CSMD1: variants seen among roughly 807,000 people sequenced by gnomAD.
The protein encoded by CSMD1 is CUB and sushi domain-containing protein 1.
A neutral mutation model predicts 417.5 loss-of-function variants in CSMD1; 213 were observed. The ratio of observed to expected loss-of-function variants is 0.51; its 90% CI spans 0.46 to 0.57. The LOEUF is 0.57. Ranked by LOEUF, CSMD1 falls within the 20% of genes least tolerant of loss-of-function variation. The pLI, the probability that CSMD1 is intolerant of heterozygous loss-of-function variation, is 0.00. For synonymous variants in CSMD1, 2,862 were observed against 1,736.8 expected, an observed-to-expected ratio of 1.65 and a Z score of -16.11; for missense variants, 6,923 against 4,529.7, an observed-to-expected ratio of 1.53 and a Z score of -15.17.
At chr8:3,134,832 T>A (rs1032043797) in intron 41 of CSMD1, among the ~76,000 whole-genome samples, 1 of 152,208 alleles carries the variant, frequency 6.6e-6, no homozygotes, top group Non-Finnish European at 1.5e-5. Flanking sequence ...ATTTTTCTTA[T>A]CTGTGAAATG....
intron 2 of CSMD1, among the ~76,000 whole-genome samples, chr8:4,579,398 C>G (rs1391454681): frequency 6.6e-6 from 1 of 151,774 alleles, no homozygotes; most frequent in African/African-American, 2.4e-5. Context: ...TGCTCTCATC[C>G]TCCAGGCTGG....
intron 3 of CSMD1, among the ~76,000 whole-genome samples, chr8:4,061,816 T>C (rs1426779748): frequency 2.0e-5 from 3 of 152,354 alleles, no homozygotes; most frequent in South Asian, 2.1e-4. Flanking sequence ...TTTTAAATGA[T>C]GCTTCACTTT....
chr8:3,277,307 C>T (rs1225281227), intron 26 of CSMD1, among the ~76,000 whole-genome samples: 1 of 152,078 alleles, frequency 6.6e-6, no homozygotes, highest in Non-Finnish European at 1.5e-5. Context: ...TGAGGCGTTG[C>T]CCACGTTGCT....
At chr8:4,752,887 A>G (rs1811423813) in intron 1 of CSMD1, among the ~76,000 whole-genome samples, 1 of 152,158 alleles carries the variant, frequency 6.6e-6, no homozygotes, top group Admixed American at 6.5e-5. Flanking sequence ...TCTCCCAAAG[A>G]TCCTGCACCA....
intron 12 of CSMD1, among the ~76,000 whole-genome samples, chr8:3,448,009 C>T (rs66515295): frequency 0.1 from 15,762 of 152,038 alleles, 974 homozygotes; most frequent in East Asian, 0.26. Context: ...CCTGATACCA[C>T]TGGGACCTCC....
At chr8:3,896,290 G>C (rs963370597) in intron 5 of CSMD1, among the ~76,000 whole-genome samples, 1 of 152,042 alleles carries the variant, frequency 6.6e-6, no homozygotes, top group South Asian at 2.1e-4. Flanking sequence ...GAGTGACATC[G>C]CCTTGGGAAA....
chr8:3,786,205 T>C (rs1021991700), intron 5 of CSMD1, among the ~76,000 whole-genome samples: 1 of 152,090 alleles, frequency 6.6e-6, no homozygotes, highest in African/African-American at 2.4e-5. Flanking sequence ...CCTGTTATTT[T>C]GGGCACGTTG....
At chr8:3,283,760 T>A (rs535076431) in intron 26 of CSMD1, among the ~76,000 whole-genome samples, 1 of 152,312 alleles carries the variant, frequency 6.6e-6, no homozygotes, top group Non-Finnish European at 1.5e-5. Flanking sequence ...AAAGGAGACT[T>A]AAGTTCCTCC....
chr8:4,651,462 T>C (rs1803891764), intron 1 of CSMD1, among the ~76,000 whole-genome samples: 1 of 152,172 alleles, frequency 6.6e-6, no homozygotes, highest in African/African-American at 2.4e-5. Context: ...TATAGTCATA[T>C]ACTGGTGGGG....
chr8:3,930,567 G>A (rs889172879), intron 5 of CSMD1, among the ~76,000 whole-genome samples: 4 of 150,268 alleles, frequency 2.7e-5, no homozygotes, highest in South Asian at 2.1e-4. Context: ...GACAAATACA[G>A]AATCTGAGGT....
chr8:4,073,417 T>C (rs1799659684), intron 3 of CSMD1, among the ~76,000 whole-genome samples: 1 of 151,798 alleles, frequency 6.6e-6, no homozygotes, highest in South Asian at 2.1e-4. Context: ...CTGAGGGAAA[T>C]TTTGGGAGCT....
At chr8:4,855,153 C>G (rs190093387) in intron 1 of CSMD1, among the ~76,000 whole-genome samples, 7 of 151,154 alleles carry the variant, frequency 4.6e-5, no homozygotes, top group Non-Finnish European at 7.4e-5. Flanking sequence ...AGCAGGGGCA[C>G]ACTGACACCT....
intron 5 of CSMD1, among the ~76,000 whole-genome samples, chr8:3,972,251 A>G (rs748262650): frequency 6.6e-6 from 1 of 152,198 alleles, no homozygotes; most frequent in South Asian, 2.1e-4. Context: ...ATTAAATAGT[A>G]TTGACCTTGT....
In CSMD1 at chr8:3,998,096, C is replaced by T. The variant is rs778108696; in HGVS notation, c.625G>A (p.Gly209Arg). 5 of 1,571,728 alleles carry T rather than the reference C, an allele frequency of 3.2e-6. No individual in the cohort carries two copies. The highest frequency in any genetic ancestry group is 1.9e-5 in the Admixed American group (1 of 53,686). ...APFCRAEGAC[G>R]GTLRGTSSSI... is the part of the protein sequence containing the mutation. ...CTGCTGGTCCCGCGTAAGGTTCCTC[C>T]GCAGGCTCCCTCAGCTGCAGGGGCA... is the stretch of plus-strand genomic sequence containing the variant. The change falls in exon 5 of 70, where the codon GGA (glycine) becomes AGA (arginine). Residue 209 changes from glycine (G) to arginine (R), a missense_variant. Transcript: ENST00000635120.
chr8:4,989,265 G>T (rs768758653), intron 1 of CSMD1, among the ~76,000 whole-genome samples: 1 of 151,826 alleles, frequency 6.6e-6, no homozygotes, highest in Non-Finnish European at 1.5e-5. Flanking sequence ...TCCATGCCAG[G>T]TCTACAGTAA....
chr8:4,687,018 G>T (rs1431695418), intron 1 of CSMD1, among the ~76,000 whole-genome samples: 1 of 152,316 alleles, frequency 6.6e-6, no homozygotes, highest in East Asian at 1.9e-4. Context: ...CATGGCACCA[G>T]CCAGCGAACT....
At chr8:4,129,541 T>C (rs1207634009) in intron 3 of CSMD1, among the ~76,000 whole-genome samples, 2 of 151,808 alleles carry the variant, frequency 1.3e-5, no homozygotes, top group South Asian at 2.1e-4. Flanking sequence ...GATTTTGAGA[T>C]TGGATTCCAT....
intron 7 of CSMD1, among the ~76,000 whole-genome samples, chr8:3,643,214 G>A (rs1439910104): frequency 6.6e-6 from 1 of 152,020 alleles, no homozygotes; most frequent in East Asian, 1.9e-4. Flanking sequence ...TAATGAAAAT[G>A]GTGACCATAT....
intron 1 of CSMD1, among the ~76,000 whole-genome samples, chr8:4,955,970 G>A (rs925213240): frequency 2.6e-5 from 4 of 152,186 alleles, no homozygotes; most frequent in African/African-American, 7.2e-5. Flanking sequence ...GCTGTGCTGC[G>A]TTCTGTGATT....
Sources: allele counts gnomAD v4.1 joint callset (sites outside exome capture counted in the v4.1 genomes callset), GRCh38; gene constraint gnomAD v4.1.1; transcripts MANE v1.5; gene names NCBI Gene and HGNC (gene_info 2026-07-23, HGNC 2026-07-21).